GEMIN5: variants seen among roughly 807,000 people sequenced by gnomAD.
The protein encoded by GEMIN5 is gem-associated protein 5.
GEMIN5 carries 124 observed loss-of-function variants against 176.9 expected under a neutral mutation model. The observed-to-expected ratio is 0.70, with a 90% CI of 0.61 to 0.81. The LOEUF is 0.81. Among genes scored for constraint, GEMIN5 ranks in the 40% least tolerant of loss-of-function variants. The probability of loss-of-function intolerance (pLI) is 0.00; values close to 1 mark genes in which losing one functional copy is unlikely to be tolerated. For missense variants in GEMIN5, 1,843 were observed against 1,814.6 expected (o/e 1.02, Z -0.28); for synonymous variants, 673 against 665.2 (o/e 1.01, Z -0.18).
intron 26 of GEMIN5, among the ~76,000 whole-genome samples, chr5:154,890,911 G>C (rs190872219): frequency 6.6e-6 from 1 of 152,140 alleles, no homozygotes; most frequent in African/African-American, 2.4e-5. Context: ...TTACAGGCAT[G>C]TGCCACCATA....
intron 13 of GEMIN5, among the ~76,000 whole-genome samples, chr5:154,916,699 T>G (rs976759231): frequency 2.0e-5 from 3 of 152,120 alleles, no homozygotes; most frequent in African/African-American, 7.2e-5. Context: ...GCCTCACTAT[T>G]TAACAGGCTG....
intron 5 of GEMIN5, 73 bp downstream of exon 5, chr5:154,931,385 C>T: frequency 6.9e-7 from 1 of 1,452,834 alleles, no homozygotes; most frequent in Non-Finnish European, 9.4e-7. Flanking sequence ...ACCCTCAGGA[C>T]AATAAGAACA....
chr5:154,896,345 T>C lies in GEMIN5; in HGVS notation c.3346-2A>G, dbSNP rs1256123370. 1.3e-6 allele frequency: 2 copies of C among 1,565,570 alleles called. No individual in the cohort carries two copies. ...AAGGCAAAACACCAATCTCTGACCC[T>C]GGAACACGACAACAAGGAAGAGGAA... On this transcript the variant is annotated splice_acceptor_variant, in intron 23 of 27. Coordinates refer to ENST00000285873, the MANE Select transcript of GEMIN5 (RefSeq NM_015465.5). LOFTEE classifies it high-confidence loss of function.
At chr5:154,934,870 A>G (rs1333384994) in intron 3 of GEMIN5, among the ~76,000 whole-genome samples, 2 of 152,092 alleles carry the variant, frequency 1.3e-5, no homozygotes, top group African/African-American at 4.8e-5. Flanking sequence ...TCCAGTTTCA[A>G]CCCCATGATG....
chr5:154,921,749 C>T (rs1454968618), intron 9 of GEMIN5, among the ~76,000 whole-genome samples: 2 of 152,184 alleles, frequency 1.3e-5, no homozygotes, highest in Non-Finnish European at 2.9e-5. Flanking sequence ...AATGTATTCA[C>T]TTTACGGTCA....
chr5:154,934,471 C>T (rs1764225742), intron 3 of GEMIN5, among the ~76,000 whole-genome samples: 1 of 152,106 alleles, frequency 6.6e-6, no homozygotes, highest in Admixed American at 6.6e-5. Context: ...ACCACTGCAC[C>T]TGGCCTGATT....
At chr5:154,925,597 C>G (rs906023325) in intron 8 of GEMIN5, among the ~76,000 whole-genome samples, 1 of 152,058 alleles carries the variant, frequency 6.6e-6, no homozygotes, top group African/African-American at 2.4e-5. Context: ...TATAACTTAA[C>G]GCATTTTCTA....
chr5:154,919,998 T>A lies in GEMIN5; in HGVS notation c.1568A>T (p.Asn523Ile), dbSNP rs368304207. The A allele has an allele frequency of 6.2e-7, 1 of 1,613,794 alleles. No individual in the cohort carries two copies. Among genetic ancestry groups the A allele is most frequent in the East Asian group, 2.2e-5 (1 of 44,836 alleles). ...WKLSGEAFDI[N>I]KLIRDTNSIK... is the part of the protein sequence containing the mutation. ...TGAATTGGTGTCCCTGATGAGTTTG[T>A]TGATGTCAAAGGCTTCTCCACTAAG... The change falls in exon 11 of 28, where the codon AAC becomes ATC. Residue 523 changes from asparagine to isoleucine, a missense_variant. Transcript: ENST00000285873.
At position 154,907,652 on chromosome 5, in the gene GEMIN5, T is replaced by G. The variant is rs1427455526; in HGVS notation, c.2334A>C (p.Ser778=). 1.2e-6 allele frequency: 2 copies of G among 1,614,054 alleles called. No individual in the cohort carries two copies. The highest frequency in any genetic ancestry group is 2.2e-5 in the East Asian group (1 of 44,884). The change falls in exon 16 of 28, where the codon TCA becomes TCC. Residue 778 remains serine, a synonymous_variant. Transcript: ENST00000285873. ...ENSGPVENGV[S]DQEGEEQARE... is the part of the protein sequence containing the mutation. ...GTGCTTGCTCCTCCCCTTCTTGGTC[T>G]GACACACCATTCTCAACAGGTCCTG...
intron 16 of GEMIN5, 80 bp from the exon 17 acceptor site, chr5:154,905,556 G>C (rs1763551819): frequency 1.6e-6 from 1 of 642,602 alleles, no homozygotes; most frequent in South Asian, 2.2e-5. Context: ...AAAATTAAGA[G>C]CCATTCCAAG....
intron 9 of GEMIN5, among the ~76,000 whole-genome samples, chr5:154,922,891 T>C (rs1262325221): frequency 6.6e-6 from 1 of 151,866 alleles, no homozygotes; most frequent in Non-Finnish European, 1.5e-5. Context: ...AGAGACGGGC[T>C]TTCACCGTGT....
At chr5:154,890,821 T>C (rs527972693) in intron 26 of GEMIN5, among the ~76,000 whole-genome samples, 86 of 152,270 alleles carry the variant, frequency 5.6e-4, no homozygotes, top group Non-Finnish European at 7.4e-4. Flanking sequence ...TGGAGTGCAC[T>C]GGTGCGATTT....
chr5:154,936,902 T>C, intron 2 of GEMIN5, 123 bp downstream of exon 2: 1 of 735,244 alleles, frequency 1.4e-6, no homozygotes, highest in Non-Finnish European at 2.2e-6. Flanking sequence ...TAGTTTCTTA[T>C]CTAATTAATG....
In GEMIN5 at chr5:154,937,991, C is replaced by T; in HGVS notation, c.143G>A (p.Ser48Asn). ...ACCTCGAAACGGGGGTGTCCCTGGA[C>T]TCTCGCCTGCGCCCGGGCCCACGCG... is the stretch of plus-strand genomic sequence containing the variant. ...LVRVGPGAGE[S>N]PGTPPFRVIG... The change falls in exon 1 of 28, where the codon AGT becomes AAT. Residue 48 changes from serine (S) to asparagine (N), a missense_variant. Coordinates refer to ENST00000285873, the MANE Select transcript of GEMIN5 (RefSeq NM_015465.5). 1.3e-6 allele frequency: 2 copies of T among 1,573,264 alleles called. No homozygotes were observed. The highest frequency in any genetic ancestry group is 1.7e-6 in the Non-Finnish European group (2 of 1,162,172).
chr5:154,927,374 A>C lies in GEMIN5; in HGVS notation c.1080+11T>G, dbSNP rs1430517515. On this transcript the variant is annotated intron_variant, in intron 7 of 27. Coordinates refer to ENST00000285873, the MANE Select transcript of GEMIN5 (RefSeq NM_015465.5). The stretch of plus-strand genomic sequence containing the variant: ...TGCTCTACAATGCTGAGTGAAAATA[A>C]GCATTCTTACATCTCTATCCATTGA... 1.3e-6 allele frequency: 2 copies of C among 1,548,326 alleles called. No homozygotes were observed. Among genetic ancestry groups the C allele is most frequent in the South Asian group, 2.2e-5 (2 of 89,186 alleles).
rs772318516 is a variant in GEMIN5 at position 154,891,536 on chromosome 5, T to A, written c.3967A>T (p.Thr1323Ser). ...EPSQQLDTASTEETDPETSQP... is the reference protein window; with the variant it reads ...EPSQQLDTASSEETDPETSQP... ...GAAGTTTCAGGGTCCGTTTCTTCAGTGCTGGCAGTGTCTAACTGCTGGCTT... is the reference window on the plus strand; with the variant it reads ...GAAGTTTCAGGGTCCGTTTCTTCAGAGCTGGCAGTGTCTAACTGCTGGCTT... Residue 1323 changes from threonine (T) to serine (S), a missense_variant, in exon 26 of 28, where the codon ACT (threonine) becomes TCT (serine). Physicochemically the swap from Thr to Ser is moderately conservative, Grantham distance 58. Coordinates refer to ENST00000285873, the MANE Select transcript of GEMIN5 (RefSeq NM_015465.5). 11 of 1,614,096 alleles carry A rather than the reference T, an allele frequency of 6.8e-6. No homozygotes were observed. The Admixed American group carries it at 8.3e-5, about 12-fold the overall frequency.
rs1280985382 is a variant in GEMIN5 at position 154,918,084 on chromosome 5, T to A, written c.1600-80A>T. 6 of 868,814 alleles carry A rather than the reference T, an allele frequency of 6.9e-6. No individual in the cohort carries two copies. In the African/African-American group the frequency reaches 1.0e-4, roughly 15 times the overall value. The allele number at this position is 868,814 out of a possible 1,614,324, so 53.8% of individuals were successfully genotyped here. ...TGACAGCATGAGAAAAAAAAATCCC[T>A]AGAGTTTAAAAACGTTTTAATTATA... On this transcript the variant is annotated intron_variant, in intron 11 of 27. Coordinates refer to ENST00000285873, the MANE Select transcript of GEMIN5 (RefSeq NM_015465.5).
Position 154,917,135 on chromosome 5 carries a change from G to T in GEMIN5, c.1718C>A (p.Thr573Asn), listed in dbSNP as rs1410262882. The T allele has an allele frequency of 6.4e-7, 1 of 1,555,944 alleles. No homozygotes were observed. Among genetic ancestry groups the T allele is most frequent in the Non-Finnish European group, 8.8e-7 (1 of 1,141,326 alleles). Residue 573 changes from threonine (T) to asparagine (N), a missense_variant, in exon 13 of 28, where the codon ACT becomes AAT. Physicochemically the swap from Thr to Asn is moderately conservative, Grantham distance 65. Coordinates refer to ENST00000285873, the MANE Select transcript of GEMIN5 (RefSeq NM_015465.5). ...CACAAGCTTGTGATGCTGTTGGATA[G>T]TACAGATCAGTTTCAGGTTGGGAAT... Reference protein sequence around the residue: ...FQIPNLKLICTIQQHHKLVNT... With the variant: ...FQIPNLKLICNIQQHHKLVNT...
chr5:154,908,172 CTTTT>C (rs386405383), intron 15 of GEMIN5, among the ~76,000 whole-genome samples: 7 of 73,078 alleles, frequency 9.6e-5, no homozygotes, highest in African/African-American at 2.6e-4. Flanking sequence ...CCCAGATGTC[CTTTT>C]TTTTTTTTTT....
Sources: gnomAD v4.1 joint callset for allele counts (sites outside exome capture counted in the v4.1 genomes callset) on GRCh38, gnomAD v4.1.1 for gene constraint, MANE v1.5 for transcripts, NCBI Gene and HGNC (gene_info 2026-07-23, HGNC 2026-07-21) for gene names.